Variants in PMFBP1 observed in about 807,000 individuals in gnomAD.
The protein encoded by PMFBP1 is polyamine modulated factor 1 binding protein 1.
A neutral mutation model predicts 137.8 loss-of-function variants in PMFBP1; 131 were observed. The observed-to-expected ratio is 0.95, with a 90% CI of 0.82 to 1.10. The LOEUF (loss-of-function observed/expected upper bound fraction) is 1.10, where lower values mean the gene tolerates loss of function less well. Among genes scored for constraint, PMFBP1 ranks in the 50% least tolerant of loss-of-function variants. The pLI, the probability that PMFBP1 is intolerant of heterozygous loss-of-function variation, is 0.00. For synonymous variants in PMFBP1, 490 were observed against 450.4 expected (o/e 1.09, Z -1.11); for missense variants, 1,199 against 1,175.4 (o/e 1.02, Z -0.29).
intron 9 of PMFBP1, among the ~76,000 whole-genome samples, chr16:72,133,437 C>T (rs2042578277): frequency 6.6e-6 from 1 of 152,112 alleles, no homozygotes; most frequent in African/African-American, 2.4e-5. Flanking sequence ...CCTCAGCCTC[C>T]CGAAGTGTTG....
chr16:72,181,520 C>A (rs2043276305), upstream of PMFBP1, among the ~76,000 whole-genome samples: 1 of 152,070 alleles, frequency 6.6e-6, no homozygotes, highest in African/African-American at 2.4e-5. Context: ...TCCAGGGACT[C>A]AAAAGACTAT....
chr16:72,122,471 A>G (rs959509074), intron 19 of PMFBP1, among the ~76,000 whole-genome samples: 1 of 152,190 alleles, frequency 6.6e-6, no homozygotes, highest in African/African-American at 2.4e-5. Flanking sequence ...GCAAGACCAC[A>G]GGCCCCCAGA....
intron 7 of PMFBP1, among the ~76,000 whole-genome samples, chr16:72,137,599 C>G (rs2042652095): frequency 6.6e-6 from 1 of 152,054 alleles, no homozygotes; most frequent in Non-Finnish European, 1.5e-5. Flanking sequence ...ATGGAGGAGG[C>G]AAGTGCGGCT....
At position 72,126,026 on chromosome 16, in the gene PMFBP1, T is replaced by C. The variant is rs750685112; in HGVS notation, c.2195A>G (p.Asp732Gly). 1 of 1,614,204 alleles carries C rather than the reference T, an allele frequency of 6.2e-7. No homozygotes were observed. Among genetic ancestry groups the C allele is most frequent in the Non-Finnish European group, 8.5e-7 (1 of 1,180,036 alleles). The stretch of plus-strand genomic sequence containing the variant: ...GGCGGCTGACTTCCGGGATAATGCA[T>C]CATAGGCTTCTTTGGTGATGGTAGT... The part of the protein sequence containing the change: ...LQTTITKEAY[D>G]ALSRKSAACQ... The change falls in exon 15 of 21, where the codon GAT (aspartate) becomes GGT (glycine). Residue 732 changes from aspartate (D) to glycine (G), a missense_variant. Coordinates refer to ENST00000237353, the MANE Select transcript of PMFBP1 (RefSeq NM_031293.3).
intron 2 of PMFBP1, among the ~76,000 whole-genome samples, chr16:72,170,747 G>C (rs1458027604): frequency 6.6e-6 from 1 of 152,066 alleles, no homozygotes; most frequent in East Asian, 1.9e-4. Flanking sequence ...AACACAGTTT[G>C]ACCAAAATAT....
chr16:72,124,647 T>A (rs1175001192), intron 17 of PMFBP1, 120 bp downstream of exon 17: 1 of 1,224,140 alleles, frequency 8.2e-7, no homozygotes, highest in Admixed American at 2.2e-5. Flanking sequence ...ATGGAGGGGG[T>A]GACCTTTCCT....
Position 72,150,282 on chromosome 16 carries a change from G to C in PMFBP1, c.636+326C>G, listed in dbSNP as rs2042881886. On this transcript the variant is annotated intron_variant, in intron 5 of 20. Coordinates refer to ENST00000237353, the MANE Select transcript of PMFBP1 (RefSeq NM_031293.3). ...GGGAGGAAGCAGGGTTGGGCAGAGG[G>C]AGATGAGCTGTGATGCAATCTCAAC... Among the ~76,000 whole-genome samples the C allele has an allele frequency of 6.6e-5, 10 of 152,256 alleles. No homozygotes were observed. The South Asian group carries it at 2.1e-3, about 32-fold the overall frequency.
chr16:72,240,277 G>A, the PMFBP1 span, among the ~76,000 whole-genome samples: 1 of 152,228 alleles, frequency 6.6e-6, no homozygotes, highest in East Asian at 1.9e-4. Flanking sequence ...AGTTTGCAGA[G>A]CTTAGTCAGA....
the PMFBP1 span, among the ~76,000 whole-genome samples, chr16:72,214,072 G>A: frequency 1.3e-5 from 2 of 152,200 alleles, no homozygotes; most frequent in Non-Finnish European, 2.9e-5. Flanking sequence ...TAAATATGTT[G>A]TGTATAAGTG....
the PMFBP1 span, among the ~76,000 whole-genome samples, chr16:72,233,258 G>C: frequency 1.3e-5 from 2 of 152,038 alleles, no homozygotes; most frequent in Non-Finnish European, 2.9e-5. Flanking sequence ...ACCTAGTAAA[G>C]CTCTTATTCA....
intron 17 of PMFBP1, among the ~76,000 whole-genome samples, chr16:72,124,136 G>A (rs1170939383): frequency 1.3e-5 from 2 of 152,050 alleles, no homozygotes; most frequent in African/African-American, 4.8e-5. Context: ...TTAGCCTGCC[G>A]AGTAGCTGGG....
chr16:72,165,204 G>C (rs543330704), intron 2 of PMFBP1, among the ~76,000 whole-genome samples: 1 of 152,164 alleles, frequency 6.6e-6, no homozygotes, highest in African/African-American at 2.4e-5. Flanking sequence ...TCAGTGTCTA[G>C]AATAATTCTA....
At chr16:72,195,012 A>G in the PMFBP1 span, among the ~76,000 whole-genome samples, 2 of 152,188 alleles carry the variant, frequency 1.3e-5, no homozygotes, top group African/African-American at 4.8e-5. Flanking sequence ...ATCTGCAGGT[A>G]AATATGTGAT....
intron 2 of PMFBP1, among the ~76,000 whole-genome samples, chr16:72,168,306 C>T (rs1001159119): frequency 7.9e-5 from 12 of 152,170 alleles, no homozygotes; most frequent in African/African-American, 2.6e-4. Context: ...GAATGATGTT[C>T]GATTTTTAAT....
the PMFBP1 span, among the ~76,000 whole-genome samples, chr16:72,223,182 A>G: frequency 3.3e-5 from 5 of 152,180 alleles, no homozygotes; most frequent in African/African-American, 1.2e-4. Flanking sequence ...TGCACAAGGA[A>G]GAAAGGTTAA....
the PMFBP1 span, among the ~76,000 whole-genome samples, chr16:72,184,901 T>C: frequency 1.6e-3 from 245 of 152,314 alleles, no homozygotes; most frequent in Non-Finnish European, 3.0e-3. Flanking sequence ...TGCCCACTCC[T>C]CCAACAACTA....
At chr16:72,183,455 T>C in the PMFBP1 span, among the ~76,000 whole-genome samples, 1 of 152,168 alleles carries the variant, frequency 6.6e-6, no homozygotes, top group Admixed American at 6.5e-5. Flanking sequence ...CCTTGGCTTG[T>C]AGACTCATCA....
At chr16:72,146,438 G>A (rs138583620) in intron 5 of PMFBP1, among the ~76,000 whole-genome samples, 2 of 152,088 alleles carry the variant, frequency 1.3e-5, no homozygotes, top group Non-Finnish European at 2.9e-5. Flanking sequence ...GGCAAAAACC[G>A]GAAGCATTCC....
chr16:72,146,588 C>G (rs1409552595), intron 5 of PMFBP1, among the ~76,000 whole-genome samples: 1 of 152,188 alleles, frequency 6.6e-6, no homozygotes, highest in Non-Finnish European at 1.5e-5. Flanking sequence ...CAAATTGTCT[C>G]TGTTTGCAGA....
Sources: gnomAD v4.1 joint callset for allele counts (sites outside exome capture counted in the v4.1 genomes callset) on GRCh38, gnomAD v4.1.1 for gene constraint, MANE v1.5 for transcripts, NCBI Gene and HGNC (gene_info 2026-07-23, HGNC 2026-07-21) for gene names.